Variants in CRMP1 observed in about 807,000 individuals in gnomAD.
CRMP1 encodes collapsin response mediator protein 1, also known as dihydropyrimidinase-related protein 1.
In CRMP1, 19 loss-of-function variants were observed where a neutral mutation model predicts 68.3. The ratio of observed to expected loss-of-function variants is 0.28; its 90% CI spans 0.19 to 0.41. CRMP1 has a LOEUF of 0.41. Ranked by LOEUF, CRMP1 falls within the 10% of genes least tolerant of loss-of-function variation. The pLI, the probability that CRMP1 is intolerant of heterozygous loss-of-function variation, is 1.00. For missense variants in CRMP1, 791 were observed against 967.4 expected (o/e 0.82, Z 2.42); for synonymous variants, 439 against 399.6 (o/e 1.10, Z -1.18).
intron 6 of CRMP1, among the ~76,000 whole-genome samples, chr4:5,844,998 C>T (rs1030085095): frequency 1.3e-5 from 2 of 152,162 alleles, no homozygotes; most frequent in African/African-American, 2.4e-5. Flanking sequence ...CAGATTCGTG[C>T]GGTGGAATTC....
chr4:5,833,647 G>A (rs1389392674), intron 11 of CRMP1, among the ~76,000 whole-genome samples: 1 of 152,192 alleles, frequency 6.6e-6, no homozygotes, highest in Non-Finnish European at 1.5e-5. Context: ...CATGGAGAAT[G>A]CTAAGCACGA....
At chr4:5,880,976 C>T (rs983589305) in intron 1 of CRMP1, among the ~76,000 whole-genome samples, 9 of 152,134 alleles carry the variant, frequency 5.9e-5, no homozygotes, top group East Asian at 3.8e-4. Flanking sequence ...CATGGTCAAG[C>T]GGAGCAGATG....
intron 13 of CRMP1, chr4:5,824,241 T>TC: frequency 1.0e-6 from 1 of 965,864 alleles, no homozygotes; most frequent in South Asian, 4.8e-5. Flanking sequence ...GATAGCTTTT[T>TC]CCCAGGATGA....
Position 5,890,481 on chromosome 4 carries a change from C to T in CRMP1, c.381+2108G>A, listed in dbSNP as rs892122120. ...AGCCCTGGAGCGGTGAGGCCCGCCC[C>T]GGAACCCGAGCCCACTGTAACCCAA... On this transcript the variant is annotated intron_variant, in intron 1 of 13. Coordinates refer to ENST00000324989, the MANE Select transcript of CRMP1 (RefSeq NM_001014809.3). The surrounding 1 kb of genome is among the most constrained non-coding windows in gnomAD (Gnocchi z 5.5). Among the ~76,000 whole-genome samples the T allele has an allele frequency of 5.9e-5, 9 of 152,216 alleles. No homozygotes were observed. The highest frequency in any genetic ancestry group is 2.2e-4 in the African/African-American group (9 of 41,462).
intron 13 of CRMP1, among the ~76,000 whole-genome samples, chr4:5,823,793 G>A (rs1487238833): frequency 6.7e-6 from 1 of 150,330 alleles, no homozygotes; most frequent in Non-Finnish European, 1.5e-5. Flanking sequence ...CGTGAGCCAA[G>A]TAAACCTCTT....
chr4:5,823,376 G>A (rs901673384), intron 13 of CRMP1, among the ~76,000 whole-genome samples: 3 of 152,192 alleles, frequency 2.0e-5, no homozygotes, highest in Non-Finnish European at 4.4e-5. Context: ...CTAGCACTTA[G>A]TAACTTTTTC....
chr4:5,850,230 A>T lies in CRMP1; in HGVS notation c.883-758T>A, dbSNP rs1712521020. Among the ~76,000 whole-genome samples the T allele has an allele frequency of 6.6e-6, 1 of 152,192 alleles. No homozygotes were observed. The highest frequency in any genetic ancestry group is 6.5e-5 in the Admixed American group (1 of 15,282). ...GCTTTCCGACAGACATCCCTATTTC[A>T]GCAAATAGGGAAGGCATGTGGAGGC... On this transcript the variant is annotated intron_variant, in intron 5 of 13. Coordinates refer to ENST00000324989, the MANE Select transcript of CRMP1 (RefSeq NM_001014809.3). This position sits in a 1 kb window ranked among gnomAD's most constrained non-coding sequence, Gnocchi z 4.4.
At chr4:5,836,625 C>T in intron 10 of CRMP1, 140 bp downstream of exon 10, 2 of 1,222,678 alleles carry the variant, frequency 1.6e-6, no homozygotes, top group Middle Eastern at 1.9e-4. Context: ...TATGCGTTCC[C>T]TCCTGCGCCC....
In CRMP1 at chr4:5,870,924, T is replaced by A. The variant is rs186723462; in HGVS notation, c.382-4168A>T. ...ACATAAGTCACCAGCAGCTGGTGCA[T>A]GGCTTCCGGAACACGGCCGCCCCGC... On this transcript the variant is annotated intron_variant, in intron 1 of 13. Transcript: ENST00000324989. The surrounding 1 kb of genome is among the most constrained non-coding windows in gnomAD (Gnocchi z 6.0). Among the ~76,000 whole-genome samples, 1 of 152,252 alleles carries A rather than the reference T, an allele frequency of 6.6e-6. No homozygotes were observed. The highest frequency in any genetic ancestry group is 6.5e-5 in the Admixed American group (1 of 15,304).
At chr4:5,824,306 G>A (rs1719178931) in intron 13 of CRMP1, 3 of 985,234 alleles carry the variant, frequency 3.0e-6, no homozygotes, top group South Asian at 9.4e-5. Flanking sequence ...ATTCTATTTA[G>A]GGTCCATTTT....
At chr4:5,826,271 C>G (rs115222671) in intron 12 of CRMP1, 2,126 of 153,236 alleles carry the variant, frequency 0.014, 27 homozygotes, top group South Asian at 0.04. Context: ...ACGGGCCCAT[C>G]TTCATGTATG....
intron 1 of CRMP1, among the ~76,000 whole-genome samples, chr4:5,868,520 C>T (rs897770900): frequency 1.2e-4 from 18 of 151,996 alleles, no homozygotes; most frequent in Middle Eastern, 6.8e-3. Flanking sequence ...CCAGGATGGT[C>T]TCAATCTCCC....
chr4:5,822,752 C>CTG (rs2152430181), intron 13 of CRMP1, among the ~76,000 whole-genome samples: 1 of 152,302 alleles, frequency 6.6e-6, no homozygotes, highest in South Asian at 2.1e-4. Context: ...AGCAAATAAG[C>CTG]TGTAAGTCTG....
chr4:5,862,208 T>G (rs1713622701), intron 2 of CRMP1, among the ~76,000 whole-genome samples: 1 of 152,178 alleles, frequency 6.6e-6, no homozygotes, highest in Non-Finnish European at 1.5e-5. Flanking sequence ...CACCGCTGCT[T>G]TTAATAACCA....
At chr4:5,857,196 CCAT>C (rs1318291167) in intron 3 of CRMP1, among the ~76,000 whole-genome samples, 13 of 151,868 alleles carry the variant, frequency 8.6e-5, no homozygotes, top group Non-Finnish European at 1.6e-4. Context: ...CACTCCACCA[CCAT>C]CATCACCACC....
At chr4:5,822,507 G>A (rs900862067) in intron 13 of CRMP1, among the ~76,000 whole-genome samples, 4 of 151,652 alleles carry the variant, frequency 2.6e-5, no homozygotes, top group African/African-American at 7.3e-5. Context: ...GGGGGGGGTG[G>A]TGTGCAGAGG....
rs1715188192 is a variant in CRMP1, at chr4:5,881,038, GC to G, written c.381+11550del. ...GAAATTGAAGTGCTCACCACCCCCA[GC>G]CCAGGAGGAGGAATCCTTTATAGAG... is the stretch of plus-strand genomic sequence containing the variant. On this transcript the variant is annotated intron_variant, in intron 1 of 13. Coordinates refer to ENST00000324989, the MANE Select transcript of CRMP1 (RefSeq NM_001014809.3). The surrounding 1 kb of genome is among the most constrained non-coding windows in gnomAD (Gnocchi z 4.6). Among the ~76,000 whole-genome samples, 1 of 152,190 alleles carries G rather than the reference GC, an allele frequency of 6.6e-6. No individual in the cohort carries two copies. Among genetic ancestry groups the G allele is most frequent in the African/African-American group, 2.4e-5 (1 of 41,444 alleles).
rs541855473 is a variant in CRMP1, at chr4:5,839,830, C to G, written c.1154-152G>C. 4 of 925,998 alleles carry G rather than the reference C, an allele frequency of 4.3e-6. No individual in the cohort carries two copies. In the Admixed American group the frequency reaches 8.8e-5, roughly 20 times the overall value. 57.4% of individuals were successfully genotyped at this position (925,998 alleles called of 1,614,324 possible). ...TTCTTGCAGGCATCACCGCCTGCAC[C>G]GCAGGGACCTTGGGTGTCCGGGCCC... is the stretch of plus-strand genomic sequence containing the variant. On this transcript the variant is annotated intron_variant, in intron 8 of 13. Transcript: ENST00000324989.
In CRMP1 at chr4:5,841,834, C is replaced by G. The variant is rs1711749724; in HGVS notation, c.1033-406G>C. Among the ~76,000 whole-genome samples, 1 of 152,178 alleles carries G rather than the reference C, an allele frequency of 6.6e-6. No individual in the cohort carries two copies. Among genetic ancestry groups the G allele is most frequent in the Non-Finnish European group, 1.5e-5 (1 of 68,034 alleles). ...CCCCTGTGTCCAGCAGACACCAGGC[C>G]CAGGGCATGGGCCCAGAAGACTCGG... On this transcript the variant is annotated intron_variant, in intron 7 of 13. Transcript: ENST00000324989. This position sits in a 1 kb window ranked among gnomAD's most constrained non-coding sequence, Gnocchi z 6.9.
Sources: gnomAD v4.1 joint callset for allele counts (sites outside exome capture counted in the v4.1 genomes callset) on GRCh38, gnomAD v4.1.1 for gene constraint, Gnocchi (gnomAD v3.1) non-coding constraint, MANE v1.5 for transcripts, NCBI Gene and HGNC (gene_info 2026-07-23, HGNC 2026-07-21) for gene names.